POLD3: variants seen among roughly 807,000 people sequenced by gnomAD.
The protein encoded by POLD3 is DNA polymerase delta 3, accessory subunit.
In POLD3, 19 loss-of-function variants were observed where a neutral mutation model predicts 58.2. That is an observed-to-expected ratio of 0.33 (90% CI 0.23 to 0.48). POLD3 has a LOEUF of 0.48. POLD3 is among the 20% of genes least tolerant of loss of function. The pLI is 0.99. For synonymous variants in POLD3, 172 were observed against 193.5 expected (o/e 0.89, Z 0.92); for missense variants, 504 against 545.5 (o/e 0.92, Z 0.76).
chr11:74,637,453 G>C (rs1473967527), intron 11 of POLD3, among the ~76,000 whole-genome samples: 1 of 45,752 alleles, frequency 2.2e-5, no homozygotes, highest in African/African-American at 9.3e-5. Flanking sequence ...TTTTTTTTTG[G>C]CTTTCAGTCT....
chr11:74,605,014 A>G (rs1309952787), intron 3 of POLD3, among the ~76,000 whole-genome samples: 1 of 152,196 alleles, frequency 6.6e-6, no homozygotes, highest in African/African-American at 2.4e-5. Context: ...ATTATTATGC[A>G]ATAAGATGTT....
At chr11:74,648,084 T>G (rs181116464) in intron 4 of POLD3, among the ~76,000 whole-genome samples, 55 of 152,336 alleles carry the variant, frequency 3.6e-4, no homozygotes, top group Admixed American at 3.4e-3. Flanking sequence ...GAGAAACTAG[T>G]ATATTTGAAC....
chr11:74,594,821 G>A (rs1357030060), intron 2 of POLD3, among the ~76,000 whole-genome samples: 1 of 152,198 alleles, frequency 6.6e-6, no homozygotes, highest in East Asian at 1.9e-4. Flanking sequence ...GTCGAGCGAA[G>A]GGGGAAGCCC....
chr11:74,669,218 T>A (rs527403306), downstream of POLD3: 1 of 167,928 alleles, frequency 6.0e-6, no homozygotes, highest in East Asian at 1.8e-4. Flanking sequence ...ATTGCATGGA[T>A]CAAAAGGGAG....
intron 3 of POLD3, among the ~76,000 whole-genome samples, chr11:74,607,677 G>A (rs1307705928): frequency 6.6e-6 from 1 of 151,860 alleles, no homozygotes; most frequent in Non-Finnish European, 1.5e-5. Flanking sequence ...AATCTCTTGG[G>A]TTTAAGCCAT....
intron 10 of POLD3, among the ~76,000 whole-genome samples, chr11:74,635,191 T>C (rs1474198838): frequency 6.6e-6 from 1 of 152,116 alleles, no homozygotes; most frequent in Non-Finnish European, 1.5e-5. Flanking sequence ...TAATGAAGAG[T>C]TGAAAAAATA....
chr11:74,615,288 C>G (rs1366824224), intron 5 of POLD3, among the ~76,000 whole-genome samples: 1 of 152,154 alleles, frequency 6.6e-6, no homozygotes, highest in Non-Finnish European at 1.5e-5. Context: ...ATGATAGCTG[C>G]TTTTCAAGGG....
chr11:74,650,599 A>G (rs2033056775), intron 4 of POLD3, among the ~76,000 whole-genome samples: 1 of 152,182 alleles, frequency 6.6e-6, no homozygotes, highest in Admixed American at 6.5e-5. Flanking sequence ...CTTGGGCTAT[A>G]GTCACGCCTG....
chr11:74,611,084 A>C (rs1425128056), intron 3 of POLD3, among the ~76,000 whole-genome samples: 3 of 152,118 alleles, frequency 2.0e-5, no homozygotes, highest in Admixed American at 6.5e-5. Context: ...CTTATTTTTT[A>C]CATTTAAATC....
chr11:74,643,073 T>A lies in POLD3; in HGVS notation c.*2307T>A. 1 of 293,668 alleles carries A rather than the reference T, an allele frequency of 3.4e-6. No homozygotes were observed. The highest frequency in any genetic ancestry group is 5.1e-6 in the Non-Finnish European group (1 of 197,824). 18.2% of individuals were successfully genotyped at this position (293,668 alleles called of 1,614,324 possible). On this transcript the variant is annotated 3_prime_UTR_variant, in exon 12 of 12. Coordinates refer to ENST00000263681, the MANE Select transcript of POLD3 (RefSeq NM_006591.3). ...AATGAGTTACCAAGGGTGTCAAGAC[T>A]AAAGTCAAGTGTATGTAGCATGAAT...
intron 1 of POLD3, among the ~76,000 whole-genome samples, chr11:74,593,758 G>A (rs1191053678): frequency 6.6e-6 from 1 of 152,200 alleles, no homozygotes; most frequent in Non-Finnish European, 1.5e-5. Context: ...AAAACATCAT[G>A]AGGAAAGGGC....
intron 7 of POLD3, among the ~76,000 whole-genome samples, chr11:74,621,414 C>T (rs540692876): frequency 4.0e-4 from 61 of 151,722 alleles, no homozygotes; most frequent in African/African-American, 1.5e-3. Context: ...CCCCCACCGC[C>T]GCCCACCACC....
At chr11:74,658,161 A>T (rs1176289386) in intron 4 of POLD3, among the ~76,000 whole-genome samples, 1 of 152,260 alleles carries the variant, frequency 6.6e-6, no homozygotes, top group Non-Finnish European at 1.5e-5. Context: ...GAATCATGGC[A>T]GGAGGTGAAA....
Position 74,592,697 on chromosome 11 carries a change from C to T in POLD3, c.39C>T (p.Phe13=), listed in dbSNP as rs748635105. 3 of 1,614,018 alleles carry T rather than the reference C, an allele frequency of 1.9e-6. No individual in the cohort carries two copies. The highest frequency in any genetic ancestry group is 1.1e-5 in the South Asian group (1 of 91,058). Residue 13 remains phenylalanine, a synonymous_variant, in exon 1 of 12, where the codon TTC becomes TTT. Coordinates refer to ENST00000263681, the MANE Select transcript of POLD3 (RefSeq NM_006591.3). ...TTTATCTGGAAAATATAGACGAGTTCGTCACGGACCAAAACAAGATCGTGA... is the reference window on the plus strand; with the variant it reads ...TTTATCTGGAAAATATAGACGAGTTTGTCACGGACCAAAACAAGATCGTGA... ...DQLYLENIDE[F]VTDQNKIVTY...
intron 11 of POLD3, among the ~76,000 whole-genome samples, chr11:74,636,931 C>G (rs2032766075): frequency 6.6e-6 from 1 of 152,178 alleles, no homozygotes; most frequent in Non-Finnish European, 1.5e-5. Flanking sequence ...TTAGCTTCTT[C>G]TACCCTTTCC....
intron 4 of POLD3, among the ~76,000 whole-genome samples, chr11:74,654,093 C>T (rs977709774): frequency 6.6e-6 from 1 of 152,150 alleles, no homozygotes; most frequent in Non-Finnish European, 1.5e-5. Flanking sequence ...GTGATCCCCC[C>T]AGATGACTCA....
At chr11:74,638,789 A>G (rs532651554) in intron 11 of POLD3, 27 of 428,450 alleles carry the variant, frequency 6.3e-5, no homozygotes, top group African/African-American at 5.2e-4. Context: ...TCAGTAGGCC[A>G]GGAGTGGGAA....
chr11:74,630,140 A>T (rs1013441378), intron 9 of POLD3, among the ~76,000 whole-genome samples: 1 of 152,204 alleles, frequency 6.6e-6, no homozygotes, highest in Admixed American at 6.5e-5. Context: ...ACGAACAGAT[A>T]CTAAAAGGGA....
At chr11:74,600,313 G>A (rs1443858345) in intron 2 of POLD3, among the ~76,000 whole-genome samples, 2 of 152,038 alleles carry the variant, frequency 1.3e-5, no homozygotes, top group Admixed American at 6.6e-5. Context: ...GGCTGGGCGC[G>A]GTGACTAATG....
Sources: gnomAD v4.1 joint callset for allele counts (sites outside exome capture counted in the v4.1 genomes callset) on GRCh38, gnomAD v4.1.1 for gene constraint, MANE v1.5 for transcripts, NCBI Gene and HGNC (gene_info 2026-07-23, HGNC 2026-07-21) for gene names.